COL11A1: variants seen among roughly 807,000 people sequenced by gnomAD.
COL11A1 encodes the protein collagen type XI alpha 1 chain, also known as collagen alpha-1(XI) chain.
COL11A1 carries 74 observed loss-of-function variants against 265.2 expected under a neutral mutation model. The ratio of observed to expected loss-of-function variants is 0.28; its 90% CI spans 0.23 to 0.34. COL11A1 has a LOEUF of 0.34. Ranked by LOEUF, COL11A1 falls within the 10% of genes least tolerant of loss-of-function variation. The probability of loss-of-function intolerance (pLI) is 1.00; values close to 1 mark genes in which losing one functional copy is unlikely to be tolerated. For missense variants in COL11A1, 2,165 were observed against 2,263.6 expected, an observed-to-expected ratio of 0.96 and a Z score of 0.88; for synonymous variants, 816 against 727.6, an observed-to-expected ratio of 1.12 and a Z score of -1.96.
chr1:102,926,144 A>G (rs1656573111), intron 46 of COL11A1, among the ~76,000 whole-genome samples: 1 of 152,144 alleles, frequency 6.6e-6, no homozygotes, highest in African/African-American at 2.4e-5. Flanking sequence ...TTATTATTAC[A>G]ATTAGTGGAG....
chr1:102,933,909 T>G (rs3102050), intron 46 of COL11A1, among the ~76,000 whole-genome samples: 139,929 of 152,178 alleles, frequency 0.92, 64,920 homozygotes, highest in East Asian at 1. Context: ...CTGACCCCTT[T>G]TGCTTCCCAA....
In COL11A1 at chr1:103,074,777, C is replaced by T; in HGVS notation, c.492G>A (p.Trp164Ter). The T allele has an allele frequency of 6.2e-7, 1 of 1,612,974 alleles. No individual in the cohort carries two copies. The highest frequency in any genetic ancestry group is 8.5e-7 in the Non-Finnish European group (1 of 1,179,458). The stretch of plus-strand genomic sequence containing the variant: ...TCTCCACGCTGATTGCTACCCGATG[C>T]CACCTAAAAAAGACAAGTAATTCTT... The part of the protein sequence containing the change: ...FRTVNIADGK[W>*]HRVAISVEKK... The change falls in exon 4 of 67, where the codon TGG becomes TGA. Residue 164 changes from tryptophan (W) to a stop codon, truncating the protein, a stop_gained. Transcript: ENST00000370096. LOFTEE classifies it high-confidence loss of function.
chr1:102,993,155 G>A lies in COL11A1; in HGVS notation c.2340+2709C>T, dbSNP rs3102054. Among the ~76,000 whole-genome samples the A allele has an allele frequency of 3.1e-3, 466 of 152,138 alleles. 3 individuals are homozygous for A. Among genetic ancestry groups the A allele is most frequent in the African/African-American group, 0.011 (448 of 41,518 alleles). The stretch of plus-strand genomic sequence containing the variant: ...AAATCCTTGATGGATACTAATTCCA[G>A]AGAAAAACATTTGCATTTTTACTTA... On this transcript the variant is annotated intron_variant, in intron 28 of 66. Transcript: ENST00000370096.
chr1:102,992,553 C>T (rs769175111), intron 28 of COL11A1, among the ~76,000 whole-genome samples: 27 of 151,630 alleles, frequency 1.8e-4, no homozygotes, highest in Non-Finnish European at 3.4e-4. Context: ...ATAAATAAGG[C>T]ATATTAAAAA....
chr1:102,893,217 G>T (rs116624602), intron 57 of COL11A1, among the ~76,000 whole-genome samples: 4 of 152,072 alleles, frequency 2.6e-5, no homozygotes, highest in Non-Finnish European at 5.9e-5. Flanking sequence ...AACTACTAGT[G>T]ATTCTAATTG....
intron 4 of COL11A1, among the ~76,000 whole-genome samples, chr1:103,064,714 A>AG (rs1421199495): frequency 1.3e-5 from 2 of 151,008 alleles, no homozygotes; most frequent in Admixed American, 6.6e-5. Context: ...AAAAAAAAAA[A>AG]AGAGAATACA....
intron 41 of COL11A1, among the ~76,000 whole-genome samples, chr1:102,957,194 A>G (rs1415620565): frequency 2.0e-5 from 3 of 152,086 alleles, no homozygotes; most frequent in Non-Finnish European, 4.4e-5. Context: ...AATGGATTAT[A>G]AATAAAGAGA....
chr1:102,891,526 G>A (rs554722168), intron 57 of COL11A1, among the ~76,000 whole-genome samples: 6 of 151,564 alleles, frequency 4.0e-5, no homozygotes, highest in East Asian at 3.9e-4. Context: ...CTGCCCCCCC[G>A]CCCAAGGAAA....
intron 46 of COL11A1, 71 bp from the exon 47 acceptor site, chr1:102,923,460 A>G (rs1183143257): frequency 1.3e-5 from 15 of 1,194,558 alleles, no homozygotes; most frequent in African/African-American, 7.7e-5. Flanking sequence ...GTCAATTTCT[A>G]AGATAAAATC....
intron 4 of COL11A1, among the ~76,000 whole-genome samples, chr1:103,071,367 A>T (rs528928593): frequency 1.8e-4 from 27 of 152,030 alleles, no homozygotes; most frequent in African/African-American, 6.3e-4. Flanking sequence ...ATTGACAATA[A>T]ATACAAGCAA....
At chr1:102,961,976 G>T in intron 40 of COL11A1, 57 bp from the exon 41 acceptor site, 1 of 1,481,148 alleles carries the variant, frequency 6.8e-7, no homozygotes, top group South Asian at 1.2e-5. Context: ...ATACCAATAG[G>T]AGGAGATATC....
intron 54 of COL11A1, among the ~76,000 whole-genome samples, chr1:102,905,971 T>C (rs1653932274): frequency 6.6e-6 from 1 of 152,164 alleles, no homozygotes; most frequent in Admixed American, 6.5e-5. Context: ...TCATTTCATG[T>C]ATACAACTAG....
intron 57 of COL11A1, 100 bp downstream of exon 57, chr1:102,898,025 A>G: frequency 1.5e-6 from 1 of 658,086 alleles, no homozygotes; most frequent in Non-Finnish European, 2.5e-6. Context: ...TAGAAAAAAT[A>G]CAAACCTATT....
chr1:103,107,998 TA>T (rs1674845330), intron 1 of COL11A1, 74 bp downstream of exon 1: 1 of 1,026,952 alleles, frequency 9.7e-7, no homozygotes, highest in Non-Finnish European at 1.5e-6. Context: ...GGAGGAAGGG[TA>T]AAGTGGGGGG....
intron 1 of COL11A1, among the ~76,000 whole-genome samples, chr1:103,102,038 T>C (rs1157396145): frequency 6.6e-6 from 1 of 152,042 alleles, no homozygotes; most frequent in African/African-American, 2.4e-5. Context: ...AACTGATAAA[T>C]AGATATTACT....
At chr1:102,913,829 C>A in intron 52 of COL11A1, 139 bp from the exon 53 acceptor site, 1 of 829,688 alleles carries the variant, frequency 1.2e-6, no homozygotes, top group Non-Finnish European at 2.0e-6. Flanking sequence ...ATTCTTTTAA[C>A]CTTTTTTAAA....
At chr1:102,971,734 C>T (rs1414819223) in intron 36 of COL11A1, among the ~76,000 whole-genome samples, 1 of 152,012 alleles carries the variant, frequency 6.6e-6, no homozygotes, top group Admixed American at 6.6e-5. Flanking sequence ...TCCCTTAAGT[C>T]ATGTGTATTG....
chr1:103,005,459 G>A (rs1463514690), intron 18 of COL11A1, among the ~76,000 whole-genome samples: 1 of 152,042 alleles, frequency 6.6e-6, no homozygotes, highest in Non-Finnish European at 1.5e-5. Flanking sequence ...ACCACCTACA[G>A]ATGTCTTCTT....
At chr1:103,097,572 C>A (rs984659589) in intron 1 of COL11A1, among the ~76,000 whole-genome samples, 2 of 151,964 alleles carry the variant, frequency 1.3e-5, no homozygotes, top group Non-Finnish European at 2.9e-5. Flanking sequence ...ACTTGTACCA[C>A]TATTTGATTA....
Sources: gnomAD v4.1 joint callset for allele counts (sites outside exome capture counted in the v4.1 genomes callset) on GRCh38, gnomAD v4.1.1 for gene constraint, MANE v1.5 for transcripts, NCBI Gene and HGNC (gene_info 2026-07-23, HGNC 2026-07-21) for gene names.